Variants in ENOX1 observed in about 807,000 individuals in gnomAD.
ENOX1 encodes the protein ecto-NOX disulfide-thiol exchanger 1.
Under a neutral mutation model 82.5 loss-of-function variants are expected in ENOX1, and 42 were observed. The ratio of observed to expected loss-of-function variants is 0.51; its 90% CI spans 0.40 to 0.66. The LOEUF (loss-of-function observed/expected upper bound fraction) is 0.66. ENOX1 is among the 30% of genes least tolerant of loss of function. ENOX1 has a pLI of 0.00. For synonymous variants in ENOX1, 271 were observed against 282.2 expected (o/e 0.96, Z 0.40); for missense variants, 608 against 811.6 (o/e 0.75, Z 3.05).
At chr13:43,637,078 A>G (rs2083440828) in intron 2 of ENOX1, among the ~76,000 whole-genome samples, 1 of 152,194 alleles carries the variant, frequency 6.6e-6, no homozygotes, top group Admixed American at 6.5e-5. Context: ...ACACAATGAG[A>G]CAAATGGAGT....
intron 2 of ENOX1, among the ~76,000 whole-genome samples, chr13:43,549,914 G>T (rs775463675): frequency 9.2e-5 from 14 of 152,168 alleles, no homozygotes; most frequent in Non-Finnish European, 1.9e-4. Flanking sequence ...TAAGACAGCG[G>T]CTGCCAATCT....
intron 1 of ENOX1, among the ~76,000 whole-genome samples, chr13:43,778,546 A>G (rs991759200): frequency 2.6e-5 from 4 of 151,526 alleles, no homozygotes; most frequent in Non-Finnish European, 4.4e-5. Flanking sequence ...GATGAAAATC[A>G]CCTCTTCGCC....
In ENOX1 at chr13:43,361,355, G is replaced by T; in HGVS notation, c.306C>A (p.Pro102=). 6.2e-7 allele frequency: 1 copy of T among 1,614,004 alleles called. No homozygotes were observed. The highest frequency in any genetic ancestry group is 8.5e-7 in the Non-Finnish European group (1 of 1,179,932). ...PMIPGLGLVP[P]PPPTEVAVVK... is the part of the protein sequence containing the mutation. ...CAACAGCCACTTCTGTTGGTGGTGG[G>T]GGAGGTACCAGTCCAAGGCCTGGTA... The change falls in exon 6 of 17, where the codon CCC becomes CCA. Residue 102 remains proline (P), a synonymous_variant. Transcript: ENST00000690772.
At chr13:43,381,523 GA>G (rs1168911821) in intron 5 of ENOX1, among the ~76,000 whole-genome samples, 3 of 140,214 alleles carry the variant, frequency 2.1e-5, no homozygotes, top group East Asian at 2.1e-4. Flanking sequence ...GAAATAAGCA[GA>G]AAAAAAAATT....
intron 2 of ENOX1, among the ~76,000 whole-genome samples, chr13:43,496,468 C>T (rs138710520): frequency 3.9e-5 from 6 of 151,936 alleles, no homozygotes; most frequent in Non-Finnish European, 7.4e-5. Context: ...TGACTGTAAC[C>T]GAGTACCCCT....
chr13:43,488,434 T>A (rs1421313855), intron 2 of ENOX1, among the ~76,000 whole-genome samples: 1 of 152,178 alleles, frequency 6.6e-6, no homozygotes, highest in Non-Finnish European at 1.5e-5. Context: ...CTTTCTAGCC[T>A]CCAGGACTGT....
chr13:43,754,685 A>G (rs1950552720), intron 1 of ENOX1, among the ~76,000 whole-genome samples: 1 of 152,028 alleles, frequency 6.6e-6, no homozygotes, highest in Admixed American at 6.5e-5. Flanking sequence ...CCTGGGCTCA[A>G]TAGATCTTCT....
intron 2 of ENOX1, among the ~76,000 whole-genome samples, chr13:43,638,168 T>C (rs755517611): frequency 6.6e-6 from 1 of 152,214 alleles, no homozygotes; most frequent in Non-Finnish European, 1.5e-5. Flanking sequence ...GAAATAATGA[T>C]ACATCTTGTA....
chr13:43,229,137 C>T (rs1802217843), intron 15 of ENOX1, among the ~76,000 whole-genome samples: 1 of 152,220 alleles, frequency 6.6e-6, no homozygotes, highest in African/African-American at 2.4e-5. Flanking sequence ...TGGTTCTTCT[C>T]TCTTGTTTGC....
At chr13:43,448,183 T>C (rs904034297) in intron 3 of ENOX1, among the ~76,000 whole-genome samples, 1 of 152,248 alleles carries the variant, frequency 6.6e-6, no homozygotes, top group Non-Finnish European at 1.5e-5. Context: ...TTGTAAAACA[T>C]GTTCTCTTAT....
At chr13:43,319,958 C>G (rs2047712208) in intron 11 of ENOX1, among the ~76,000 whole-genome samples, 1 of 152,228 alleles carries the variant, frequency 6.6e-6, no homozygotes, top group Non-Finnish European at 1.5e-5. Flanking sequence ...GGATGTGTCA[C>G]CCAAGAAGAT....
chr13:43,348,811 C>T (rs1372076659), intron 8 of ENOX1, among the ~76,000 whole-genome samples: 1 of 152,092 alleles, frequency 6.6e-6, no homozygotes, highest in Non-Finnish European at 1.5e-5. Flanking sequence ...TTGGAAATGC[C>T]AAAGAAAAGC....
At chr13:43,554,781 T>C (rs1453457987) in intron 2 of ENOX1, among the ~76,000 whole-genome samples, 1 of 152,128 alleles carries the variant, frequency 6.6e-6, no homozygotes, top group African/African-American at 2.4e-5. Context: ...TTCACCATGT[T>C]GCTCAGGAGT....
intron 2 of ENOX1, among the ~76,000 whole-genome samples, chr13:43,513,618 A>G (rs980619282): frequency 6.6e-6 from 1 of 152,138 alleles, no homozygotes; most frequent in African/African-American, 2.4e-5. Flanking sequence ...CAAAGCAACT[A>G]TATATCTATT....
intron 2 of ENOX1, among the ~76,000 whole-genome samples, chr13:43,530,487 G>A (rs2078164032): frequency 6.6e-6 from 1 of 152,078 alleles, no homozygotes; most frequent in Non-Finnish European, 1.5e-5. Flanking sequence ...TGGTTTAGCA[G>A]AATGCCAACA....
intron 2 of ENOX1, among the ~76,000 whole-genome samples, chr13:43,517,556 C>T (rs376553396): frequency 2.6e-5 from 4 of 152,104 alleles, no homozygotes; most frequent in Non-Finnish European, 4.4e-5. Flanking sequence ...ATATGGAGTT[C>T]TGTGAAAGCC....
chr13:43,421,399 C>T (rs996582014), intron 3 of ENOX1, among the ~76,000 whole-genome samples: 2 of 152,168 alleles, frequency 1.3e-5, no homozygotes, highest in Non-Finnish European at 1.5e-5. Flanking sequence ...ACTGTGCATT[C>T]AGTAGAAACC....
Position 43,314,088 on chromosome 13 carries a change from T to C in ENOX1, c.1261+8296A>G, listed in dbSNP as rs112370513. 1.4e-3 allele frequency among the ~76,000 whole-genome samples: 220 copies of C among 152,320 alleles called. 1 individual carries two copies. Among genetic ancestry groups the C allele is most frequent in the African/African-American group, 5.1e-3 (211 of 41,578 alleles). On this transcript the variant is annotated intron_variant, in intron 11 of 16. Coordinates refer to ENST00000690772, the MANE Select transcript of ENOX1 (RefSeq NM_001347969.2). ...GTTCTTCCTACTTCTCTGCTAGTGA[T>C]GGGAGTCTAAAATAAAATTTTCTTT...
rs542309532 is a variant in ENOX1, at chr13:43,509,932, C to T, written c.-218-25780G>A. ...CTGGAAGTTTCCAGACCTATGTTCT[C>T]AGTGTTGGACAGCCTTATATTTACC... On this transcript the variant is annotated intron_variant, in intron 2 of 16. Coordinates refer to ENST00000690772, the MANE Select transcript of ENOX1 (RefSeq NM_001347969.2). Among the ~76,000 whole-genome samples, 10 of 152,060 alleles carry T rather than the reference C, an allele frequency of 6.6e-5. No homozygotes were observed. The East Asian group carries it at 1.9e-3, about 29-fold the overall frequency.
Sources: allele counts gnomAD v4.1 joint callset (sites outside exome capture counted in the v4.1 genomes callset), GRCh38; gene constraint gnomAD v4.1.1; transcripts MANE v1.5; gene names NCBI Gene and HGNC (gene_info 2026-07-23, HGNC 2026-07-21).